ERN1: variants seen among roughly 807,000 people sequenced by gnomAD.
ERN1 encodes serine/threonine-protein kinase/endoribonuclease IRE1.
Under a neutral mutation model 113.1 loss-of-function variants are expected in ERN1, and 39 were observed. That is an observed-to-expected ratio of 0.34 (90% CI 0.27 to 0.45). The LOEUF is 0.45. Among genes scored for constraint, ERN1 ranks in the 20% least tolerant of loss-of-function variants. The pLI is 1.00. For synonymous variants in ERN1, 507 were observed against 515.9 expected, an observed-to-expected ratio of 0.98 and a Z score of 0.23; for missense variants, 976 against 1,274.8, an observed-to-expected ratio of 0.77 and a Z score of 3.57.
intron 1 of ERN1, among the ~76,000 whole-genome samples, chr17:64,112,612 C>G (rs1470633306): frequency 6.6e-6 from 1 of 152,184 alleles, no homozygotes; most frequent in Non-Finnish European, 1.5e-5. Context: ...ACTTACCTCT[C>G]TGTGCCTTCA....
chr17:64,126,541 A>G (rs1915086095), intron 1 of ERN1, among the ~76,000 whole-genome samples: 1 of 152,114 alleles, frequency 6.6e-6, no homozygotes, highest in Admixed American at 6.5e-5. Context: ...TCTCTCTCGA[A>G]TAACTCTCAG....
At chr17:64,058,807 C>T (rs556490460) in intron 11 of ERN1, among the ~76,000 whole-genome samples, 37 of 152,262 alleles carry the variant, frequency 2.4e-4, no homozygotes, top group African/African-American at 8.4e-4. Flanking sequence ...ACCCCTCCCC[C>T]CAGATGGCTG....
rs1912429451 is a variant in ERN1 at position 64,044,111 on chromosome 17, G to A, written c.2811C>T (p.Phe937=). 6.2e-7 allele frequency: 1 copy of A among 1,612,222 alleles called. No individual in the cohort carries two copies. Among genetic ancestry groups the A allele is most frequent in the African/African-American group, 1.3e-5 (1 of 74,982 alleles). Residue 937 remains phenylalanine, a synonymous_variant, in exon 22 of 22, where the codon TTC becomes TTT. Coordinates refer to ENST00000433197, the MANE Select transcript of ERN1 (RefSeq NM_001433.5). The surrounding 1 kb of genome is among the most constrained non-coding windows in gnomAD (Gnocchi z 4.1). ...GGTAGGTGTGTGCGAGGAGGTGGGG[G>A]AAGCGAGATGTGAAGTAGCACACGA... ...DDFVCYFTSR[F]PHLLAHTYRA...
At chr17:64,055,366 T>C (rs1325551194) in intron 13 of ERN1, among the ~76,000 whole-genome samples, 1 of 152,222 alleles carries the variant, frequency 6.6e-6, no homozygotes, top group Non-Finnish European at 1.5e-5. Context: ...ACTTCCACAC[T>C]TGGCCACCGG....
chr17:64,060,216 G>A (rs1913007871), intron 11 of ERN1, among the ~76,000 whole-genome samples: 1 of 152,068 alleles, frequency 6.6e-6, no homozygotes, highest in Admixed American at 6.6e-5. Flanking sequence ...CCCTCCACCT[G>A]GCCAAATCCT....
intron 1 of ERN1, among the ~76,000 whole-genome samples, chr17:64,122,206 T>C (rs1914972340): frequency 6.6e-6 from 1 of 152,214 alleles, no homozygotes; most frequent in Non-Finnish European, 1.5e-5. Flanking sequence ...CTGGACAGGT[T>C]ACCAGCCCTT....
At chr17:64,094,320 G>A (rs148939569) in intron 2 of ERN1, among the ~76,000 whole-genome samples, 1 of 152,202 alleles carries the variant, frequency 6.6e-6, no homozygotes, top group Non-Finnish European at 1.5e-5. Flanking sequence ...TTTGTTCCTG[G>A]GGGGAGTGTC....
At chr17:64,071,441 A>T (rs1221851900) in intron 6 of ERN1, among the ~76,000 whole-genome samples, 1 of 147,022 alleles carries the variant, frequency 6.8e-6, no homozygotes, top group Non-Finnish European at 1.5e-5. Flanking sequence ...GGCAGGGGGG[A>T]TGGAGTTTTA....
intron 2 of ERN1, among the ~76,000 whole-genome samples, chr17:64,086,635 T>TC (rs1567875330): frequency 2.8e-5 from 3 of 105,944 alleles, no homozygotes; most frequent in African/African-American, 7.2e-5. Flanking sequence ...TTCTTTTCTT[T>TC]CCTTTTTTTT....
Position 64,049,195 on chromosome 17 carries a change from G to A in ERN1, c.2261C>T (p.Thr754Met), listed in dbSNP as rs200064097. 11 of 1,585,542 alleles carry A rather than the reference G, an allele frequency of 6.9e-6. No homozygotes were observed. Among genetic ancestry groups the A allele is most frequent in the African/African-American group, 2.7e-5 (2 of 74,362 alleles). ...GCAGCCTGCAGAAAAGATGTCCACC[G>A]TGTAGGTCTGAAAAGAGACATGAGG... ...SEDCKENPTY[T>M]VDIFSAGCVF... The change falls in exon 18 of 22, where the codon ACG (threonine) becomes ATG (methionine). Residue 754 changes from threonine to methionine, a missense_variant. This residue lies in a region of ERN1 where 297 missense variants were observed against 457.8 expected (regional missense o/e 0.65). Coordinates refer to ENST00000433197, the MANE Select transcript of ERN1 (RefSeq NM_001433.5). The surrounding 1 kb of genome is among the most constrained non-coding windows in gnomAD (Gnocchi z 4.7).
At position 64,044,020 on chromosome 17, in the gene ERN1, G is replaced by A; in HGVS notation, c.2902C>T (p.Pro968Ser). 1 of 1,612,876 alleles carries A rather than the reference G, an allele frequency of 6.2e-7. No individual in the cohort carries two copies. The highest frequency in any genetic ancestry group is 8.5e-7 in the Non-Finnish European group (1 of 1,179,418). Reference protein sequence around the residue: ...QPYYFHEPPEPQPPVTPDAL With the variant: ...QPYYFHEPPESQPPVTPDAL ...GCGTCTGGAGTCACTGGGGGCTGGG[G>A]CTCTGGGGGCTCGTGGAAGTAGTAG... The change falls in exon 22 of 22, where the codon CCC (proline) becomes TCC (serine). Residue 968 changes from proline (P) to serine (S), a missense_variant. This residue lies in a region of ERN1 where 92 missense variants were observed against 87.3 expected (regional missense o/e 1.05). Coordinates refer to ENST00000433197, the MANE Select transcript of ERN1 (RefSeq NM_001433.5). This position sits in a 1 kb window ranked among gnomAD's most constrained non-coding sequence, Gnocchi z 4.1.
chr17:64,057,121 T>C (rs901469103), intron 12 of ERN1, among the ~76,000 whole-genome samples: 2 of 152,196 alleles, frequency 1.3e-5, no homozygotes, highest in African/African-American at 4.8e-5. Flanking sequence ...TTCTTTTTTC[T>C]TTTTTTGGTT....
At chr17:64,088,309 G>A (rs542929346) in intron 2 of ERN1, among the ~76,000 whole-genome samples, 109 of 152,160 alleles carry the variant, frequency 7.2e-4, no homozygotes, top group Non-Finnish European at 1.1e-3. Context: ...CCCCCATAAC[G>A]CAGCAATGGA....
chr17:64,085,750 G>C (rs549460772), intron 2 of ERN1, among the ~76,000 whole-genome samples: 1 of 152,090 alleles, frequency 6.6e-6, no homozygotes, highest in Non-Finnish European at 1.5e-5. Context: ...AAAACACTGC[G>C]ATCATTAGTG....
In ERN1 at chr17:64,049,580, G is replaced by C. The variant is rs2143325012; in HGVS notation, c.2254-378C>G. Among the ~76,000 whole-genome samples, 1 of 152,320 alleles carries C rather than the reference G, an allele frequency of 6.6e-6. No homozygotes were observed. Among genetic ancestry groups the C allele is most frequent in the South Asian group, 2.1e-4 (1 of 4,834 alleles). Reference sequence around the variant, plus strand: ...TATTCCTTACCCCCAACACGAAAGTGCTCACAGACAGGGTCTCTGTGTCGT... The same window carrying C: ...TATTCCTTACCCCCAACACGAAAGTCCTCACAGACAGGGTCTCTGTGTCGT... On this transcript the variant is annotated intron_variant, in intron 17 of 21. Transcript: ENST00000433197. This position sits in a 1 kb window ranked among gnomAD's most constrained non-coding sequence, Gnocchi z 4.7.
chr17:64,084,643 C>T (rs995256947), intron 2 of ERN1, among the ~76,000 whole-genome samples: 2 of 152,188 alleles, frequency 1.3e-5, no homozygotes, highest in Non-Finnish European at 2.9e-5. Flanking sequence ...CTTTTAAAGG[C>T]ATAAATCAGA....
chr17:64,077,839 G>A (rs1403544391), intron 4 of ERN1, among the ~76,000 whole-genome samples: 1 of 151,534 alleles, frequency 6.6e-6, no homozygotes, highest in Non-Finnish European at 1.5e-5. Context: ...TCCACCTCCC[G>A]GGTTCACGCC....
At position 64,044,427 on chromosome 17, in the gene ERN1, G is replaced by T. The variant is rs74787440; in HGVS notation, c.2722-227C>A. Among the ~76,000 whole-genome samples, 27,736 of 152,186 alleles carry T rather than the reference G, an allele frequency of 0.18. 2,726 individuals are homozygous for T. The highest frequency in any genetic ancestry group is 0.35 in the East Asian group (1,819 of 5,170). On this transcript the variant is annotated intron_variant, in intron 21 of 21. Transcript: ENST00000433197. The surrounding 1 kb of genome is among the most constrained non-coding windows in gnomAD (Gnocchi z 4.1). ...GTGAGCAAGGCCCAGCCAGTCCAGG[G>T]GGTGCTCAGGCCTTCTGTGACAGTC...
chr17:64,060,256 GGT>G (rs1306764885), intron 11 of ERN1, among the ~76,000 whole-genome samples: 6 of 152,234 alleles, frequency 3.9e-5, no homozygotes, highest in African/African-American at 1.4e-4. Flanking sequence ...GGCCTAGCTT[GGT>G]CCTGCTGCCT....
Sources: allele counts gnomAD v4.1 joint callset (sites outside exome capture counted in the v4.1 genomes callset), GRCh38; gene constraint gnomAD v4.1.1; regional missense constraint gnomAD v4.1.1; non-coding constraint Gnocchi (gnomAD v3.1); transcripts MANE v1.5; gene names NCBI Gene and HGNC (gene_info 2026-07-23, HGNC 2026-07-21).